RABGAP1L: variants seen among roughly 807,000 people sequenced by gnomAD.
RABGAP1L encodes the protein rab GTPase-activating protein 1-like.
Under a neutral mutation model 137.7 loss-of-function variants are expected in RABGAP1L, and 63 were observed. The ratio of observed to expected loss-of-function variants is 0.46; its 90% CI spans 0.37 to 0.56. The LOEUF (loss-of-function observed/expected upper bound fraction) is 0.56, where lower values mean the gene tolerates loss of function less well. RABGAP1L is among the 20% of genes least tolerant of loss of function. RABGAP1L has a pLI of 0.00. For missense variants in RABGAP1L, 1,095 were observed against 1,244.0 expected (o/e 0.88, Z 1.80); for synonymous variants, 431 against 433.7 (o/e 0.99, Z 0.08).
At chr1:174,315,880 C>A (rs958677145) in intron 11 of RABGAP1L, among the ~76,000 whole-genome samples, 4 of 152,002 alleles carry the variant, frequency 2.6e-5, no homozygotes, top group African/African-American at 9.7e-5. Context: ...TAGATTCGCA[C>A]CTTTGAGCCT....
At chr1:174,461,351 A>G (rs529832686) in intron 13 of RABGAP1L, among the ~76,000 whole-genome samples, 26 of 152,320 alleles carry the variant, frequency 1.7e-4, no homozygotes, top group Admixed American at 9.2e-4. Flanking sequence ...CTGCAGAACC[A>G]TGGGAATAGT....
chr1:174,181,220 G>C (rs1259663197), intron 1 of RABGAP1L, among the ~76,000 whole-genome samples: 2 of 151,924 alleles, frequency 1.3e-5, no homozygotes, highest in African/African-American at 4.8e-5. Flanking sequence ...TGTCCAGGTT[G>C]GTCTTGAATT....
chr1:174,616,843 G>T (rs1253780096), intron 13 of RABGAP1L, among the ~76,000 whole-genome samples: 1 of 152,176 alleles, frequency 6.6e-6, no homozygotes, highest in Admixed American at 6.5e-5. Context: ...ATAGACACTT[G>T]TTAAAAATGC....
chr1:174,361,811 T>A (rs917725687), intron 11 of RABGAP1L, among the ~76,000 whole-genome samples: 1 of 152,232 alleles, frequency 6.6e-6, no homozygotes, highest in Non-Finnish European at 1.5e-5. Flanking sequence ...AGTTCTGTGG[T>A]ACATGTGCAG....
chr1:174,922,634 T>C lies in RABGAP1L; in HGVS notation c.2341-34823T>C, dbSNP rs551647351. On this transcript the variant is annotated intron_variant, in intron 19 of 25. Coordinates refer to ENST00000681986, the MANE Select transcript of RABGAP1L (RefSeq NM_001366446.1). ...AGGCCTTTGATCATTTTGTGAGATA[T>C]TCATGGTCTCCTCTATCTGAAAGAG... Among the ~76,000 whole-genome samples the C allele has an allele frequency of 5.9e-5, 9 of 152,326 alleles. No individual in the cohort carries two copies. The South Asian group carries it at 1.9e-3, about 32-fold the overall frequency.
chr1:174,852,336 A>G (rs1648511533), intron 19 of RABGAP1L, among the ~76,000 whole-genome samples: 1 of 152,200 alleles, frequency 6.6e-6, no homozygotes, highest in African/African-American at 2.4e-5. Flanking sequence ...AGCATCCATC[A>G]TCAAGTGCAA....
chr1:174,899,754 T>A (rs1250778226), intron 19 of RABGAP1L, among the ~76,000 whole-genome samples: 1 of 152,204 alleles, frequency 6.6e-6, no homozygotes, highest in East Asian at 1.9e-4. Flanking sequence ...TGAAATAAAA[T>A]TCATTTTGTC....
At chr1:174,186,332 A>G (rs1215253907) in intron 1 of RABGAP1L, among the ~76,000 whole-genome samples, 1 of 152,212 alleles carries the variant, frequency 6.6e-6, no homozygotes, top group Admixed American at 6.5e-5. Context: ...TTTCAGGCAG[A>G]TGGTGAAGAT....
intron 19 of RABGAP1L, among the ~76,000 whole-genome samples, chr1:174,851,476 G>A (rs995096462): frequency 2.1e-5 from 1 of 48,578 alleles, no homozygotes; most frequent in African/African-American, 4.2e-5. Context: ...CAATTTTTTA[G>A]CATTTCTGTT....
intron 13 of RABGAP1L, among the ~76,000 whole-genome samples, chr1:174,564,806 C>T (rs989443097): frequency 6.6e-6 from 1 of 152,108 alleles, no homozygotes; most frequent in African/African-American, 2.4e-5. Context: ...TTAGAATTCT[C>T]TAGATCCTAT....
intron 13 of RABGAP1L, among the ~76,000 whole-genome samples, chr1:174,632,479 G>T (rs1391813359): frequency 6.7e-6 from 1 of 150,086 alleles, no homozygotes; most frequent in Non-Finnish European, 1.5e-5. Flanking sequence ...ATAATATCCT[G>T]CAGAGTGTTT....
intron 14 of RABGAP1L, among the ~76,000 whole-genome samples, chr1:174,661,813 C>G (rs1676391843): frequency 6.6e-6 from 1 of 152,094 alleles, no homozygotes; most frequent in African/African-American, 2.4e-5. Flanking sequence ...CACCCAGTGA[C>G]ATCATAGCAT....
rs78833518 is a variant in RABGAP1L, at chr1:174,504,682, A to G, written c.1710+110537A>G. Among the ~76,000 whole-genome samples, 1,028 of 152,344 alleles carry G rather than the reference A, an allele frequency of 6.7e-3. 9 individuals carry two copies. Among genetic ancestry groups the G allele is most frequent in the Middle Eastern group, 0.014 (4 of 294 alleles). The stretch of plus-strand genomic sequence containing the variant: ...AAACTGGATATCCATGTGCAGAATA[A>G]TGAAATTAGAGCCTCATTTCATACC... On this transcript the variant is annotated intron_variant, in intron 13 of 25. Coordinates refer to ENST00000681986, the MANE Select transcript of RABGAP1L (RefSeq NM_001366446.1).
intron 19 of RABGAP1L, among the ~76,000 whole-genome samples, chr1:174,878,254 T>A (rs1653479415): frequency 6.6e-6 from 1 of 152,148 alleles, no homozygotes; most frequent in Non-Finnish European, 1.5e-5. Context: ...GAGATGGAGT[T>A]TCGCTCCTAT....
At chr1:174,491,026 A>C (rs1158017210) in intron 13 of RABGAP1L, among the ~76,000 whole-genome samples, 1 of 152,152 alleles carries the variant, frequency 6.6e-6, no homozygotes, top group Non-Finnish European at 1.5e-5. Context: ...CAAGGCCTGG[A>C]ATCGGGGACC....
At chr1:174,478,847 A>C (rs1658784717) in intron 13 of RABGAP1L, among the ~76,000 whole-genome samples, 1 of 152,184 alleles carries the variant, frequency 6.6e-6, no homozygotes, top group Non-Finnish European at 1.5e-5. Context: ...CATTATCATT[A>C]ATATAATACT....
chr1:174,693,589 T>C (rs1679029820), intron 15 of RABGAP1L, among the ~76,000 whole-genome samples: 1 of 152,226 alleles, frequency 6.6e-6, no homozygotes, highest in Admixed American at 6.5e-5. Flanking sequence ...TCTTTTTTTT[T>C]GCAAATGATA....
intron 13 of RABGAP1L, among the ~76,000 whole-genome samples, chr1:174,516,080 A>T (rs940567793): frequency 1.3e-5 from 2 of 151,638 alleles, no homozygotes; most frequent in African/African-American, 4.8e-5. Flanking sequence ...TATTAACAAT[A>T]TAGATTATTA....
At chr1:174,713,450 G>A (rs889566600) in intron 17 of RABGAP1L, among the ~76,000 whole-genome samples, 3 of 152,172 alleles carry the variant, frequency 2.0e-5, no homozygotes, top group African/African-American at 7.2e-5. Flanking sequence ...GGATGATGGG[G>A]GCAGATCTTT....
Sources: gnomAD v4.1 joint callset for allele counts (sites outside exome capture counted in the v4.1 genomes callset) on GRCh38, gnomAD v4.1.1 for gene constraint, MANE v1.5 for transcripts, NCBI Gene and HGNC (gene_info 2026-07-23, HGNC 2026-07-21) for gene names.